Variants in MAD1L1 observed in about 807,000 individuals in gnomAD.
MAD1L1 encodes the protein mitotic arrest deficient 1 like 1, also known as mitotic spindle assembly checkpoint protein MAD1.
Under a neutral mutation model 96.9 loss-of-function variants are expected in MAD1L1, and 95 were observed. That is an observed-to-expected ratio of 0.98 (90% CI 0.83 to 1.16). The LOEUF (loss-of-function observed/expected upper bound fraction) is 1.16. Ranked by LOEUF, MAD1L1 falls within the 50% of genes most tolerant of loss-of-function variation. The pLI is 0.00. For missense variants in MAD1L1, 1,007 were observed against 954.4 expected, an observed-to-expected ratio of 1.06 and a Z score of -0.73; for synonymous variants, 473 against 396.6, an observed-to-expected ratio of 1.19 and a Z score of -2.29.
intron 16 of MAD1L1, among the ~76,000 whole-genome samples, chr7:1,945,450 A>G (rs1056971957): frequency 1.3e-5 from 2 of 152,216 alleles, no homozygotes; most frequent in African/African-American, 4.8e-5. Context: ...AAGTAAGAGC[A>G]AGTAGGTCCC....
At chr7:1,913,304 G>A (rs1788137769) in intron 17 of MAD1L1, among the ~76,000 whole-genome samples, 1 of 151,582 alleles carries the variant, frequency 6.6e-6, no homozygotes, top group South Asian at 2.1e-4. Context: ...TGGGCGGGGT[G>A]GGTGCAGGGA....
intron 17 of MAD1L1, among the ~76,000 whole-genome samples, chr7:1,933,285 T>C (rs1172842826): frequency 2.6e-5 from 4 of 152,136 alleles, no homozygotes; most frequent in African/African-American, 7.2e-5. Flanking sequence ...CAGGGAGCGA[T>C]CCATGGGAGC....
rs1208336715 is a variant in MAD1L1 at position 1,870,270 on chromosome 7, T to C, written c.1998+27930A>G. Among the ~76,000 whole-genome samples, 289 of 108,730 alleles carry C rather than the reference T, an allele frequency of 2.7e-3. 1 individual carries two copies. Among genetic ancestry groups the C allele is most frequent in the Middle Eastern group, 7.4e-3 (1 of 136 alleles). The allele number at this position is 108,730 out of a possible 152,430, so 71.3% of individuals were successfully genotyped here. A position where few individuals can be genotyped will look rare whatever the true frequency, so the allele number is the denominator to read the frequency against. ...CACCTGCCACGCTGAACCCAACATATGCCTGCCACGCTGAACCGACCGTAA... is the reference window on the plus strand; with the variant it reads ...CACCTGCCACGCTGAACCCAACATACGCCTGCCACGCTGAACCGACCGTAA... On this transcript the variant is annotated intron_variant, in intron 18 of 18. Transcript: ENST00000265854.
At chr7:1,975,480 G>A (rs936507123) in intron 15 of MAD1L1, among the ~76,000 whole-genome samples, 2 of 152,234 alleles carry the variant, frequency 1.3e-5, no homozygotes, top group Non-Finnish European at 2.9e-5. Flanking sequence ...TGGCGGCCTG[G>A]GCTGGGCACG....
At chr7:1,876,552 T>A (rs1370523895) in intron 18 of MAD1L1, among the ~76,000 whole-genome samples, 5 of 152,086 alleles carry the variant, frequency 3.3e-5, no homozygotes, top group Admixed American at 6.6e-5. Context: ...TGCTTCAGAA[T>A]AATCCAGGAA....
At chr7:1,976,324 T>TA (rs1758613118) in intron 15 of MAD1L1, among the ~76,000 whole-genome samples, 2 of 152,230 alleles carry the variant, frequency 1.3e-5, no homozygotes, top group African/African-American at 4.8e-5. Context: ...CTTCCGATGT[T>TA]CGGACATGTT....
Position 2,216,002 on chromosome 7 carries a change from G to A in MAD1L1, c.810-3C>T. Reference sequence around the variant, plus strand: ...GCCCGTTGGTCTCTCTCATCTCCCTGGCAGTGCCACAAAGAGTCGCTCAAA... The same window carrying A: ...GCCCGTTGGTCTCTCTCATCTCCCTAGCAGTGCCACAAAGAGTCGCTCAAA... On this transcript the variant is annotated splice_region_variant and splice_polypyrimidine_tract_variant and intron_variant, in intron 8 of 18. Coordinates refer to ENST00000265854, the MANE Select transcript of MAD1L1 (RefSeq NM_001013836.2). 3.7e-6 allele frequency: 6 copies of A among 1,613,816 alleles called. No homozygotes were observed. Among genetic ancestry groups the A allele is most frequent in the Non-Finnish European group, 4.2e-6 (5 of 1,179,840 alleles).
chr7:2,105,570 G>C (rs561436846), intron 11 of MAD1L1, among the ~76,000 whole-genome samples: 22 of 152,262 alleles, frequency 1.4e-4, no homozygotes, highest in African/African-American at 5.3e-4. Flanking sequence ...AAGCCAGGAA[G>C]TAACGAGGCC....
At position 1,968,616 on chromosome 7, in the gene MAD1L1, C is replaced by A. The variant is rs1780276793; in HGVS notation, c.1506-10897G>T. ...TCAGTCCGGCAGTCAGGTCCGCTGT[C>A]AACGCCTCAGTCCAGCGGTCAGGTC... On this transcript the variant is annotated intron_variant, in intron 15 of 18. Transcript: ENST00000265854. This position sits in a 1 kb window ranked among gnomAD's most constrained non-coding sequence, Gnocchi z 5.6. Among the ~76,000 whole-genome samples, 1 of 152,214 alleles carries A rather than the reference C, an allele frequency of 6.6e-6. No homozygotes were observed. Among genetic ancestry groups the A allele is most frequent in the African/African-American group, 2.4e-5 (1 of 41,458 alleles).
chr7:2,143,639 C>T (rs1789152451), intron 11 of MAD1L1, among the ~76,000 whole-genome samples: 1 of 151,966 alleles, frequency 6.6e-6, no homozygotes, highest in South Asian at 2.1e-4. Context: ...CCCCTGATGG[C>T]AGCAGTAGAT....
At chr7:1,914,534 A>ACGAACCGGCCCTGATGACCCCTGGCAC (rs1324643560) in intron 17 of MAD1L1, among the ~76,000 whole-genome samples, 1 of 152,180 alleles carries the variant, frequency 6.6e-6, no homozygotes, top group East Asian at 1.9e-4. Context: ...AGCCTCTGAA[A>ACGAACCGGCCCTGATGACCCCTGGCAC]CGAACCGGCC....
intron 11 of MAD1L1, among the ~76,000 whole-genome samples, chr7:2,072,132 CA>C (rs1186025151): frequency 6.6e-6 from 1 of 152,066 alleles, no homozygotes; most frequent in Non-Finnish European, 1.5e-5. Flanking sequence ...TCGCGACCAG[CA>C]CCAGAAGGTG....
chr7:2,225,227 CCG>C, intron 4 of MAD1L1, among the ~76,000 whole-genome samples, 181 bp downstream of exon 4: 1 of 108,020 alleles, frequency 9.3e-6, no homozygotes, highest in Non-Finnish European at 2.4e-5. Context: ...CTGGCAGGTA[CCG>C]TGCACAGCCC....
intron 10 of MAD1L1, among the ~76,000 whole-genome samples, chr7:2,196,339 A>T (rs1053190342): frequency 8.5e-5 from 13 of 152,066 alleles, no homozygotes; most frequent in African/African-American, 3.1e-4. Flanking sequence ...AACTCTAGAA[A>T]CTCTTGTAAG....
intron 11 of MAD1L1, among the ~76,000 whole-genome samples, chr7:2,099,543 T>A (rs982284429): frequency 6.6e-6 from 1 of 152,204 alleles, no homozygotes; most frequent in East Asian, 1.9e-4. Context: ...CAGCTAGCAA[T>A]CTTTACTGTA....
At chr7:1,854,092 C>T (rs1437943800) in intron 18 of MAD1L1, among the ~76,000 whole-genome samples, 1 of 152,198 alleles carries the variant, frequency 6.6e-6, no homozygotes, top group Non-Finnish European at 1.5e-5. Flanking sequence ...TTTATCCACC[C>T]CATCCAGGCG....
chr7:1,976,846 G>T (rs1207854096), intron 15 of MAD1L1, among the ~76,000 whole-genome samples: 1 of 151,710 alleles, frequency 6.6e-6, no homozygotes. Flanking sequence ...CTAGACACAG[G>T]GTGCTGATTG....
At chr7:1,932,038 C>T (rs578241689) in intron 17 of MAD1L1, among the ~76,000 whole-genome samples, 15 of 152,362 alleles carry the variant, frequency 9.8e-5, no homozygotes, top group African/African-American at 2.4e-4. Flanking sequence ...TGGCAGCCCA[C>T]GCCTGGCACA....
At chr7:1,981,519 G>A (rs1780906396) in intron 14 of MAD1L1, among the ~76,000 whole-genome samples, 3 of 152,122 alleles carry the variant, frequency 2.0e-5, no homozygotes, top group Non-Finnish European at 2.9e-5. Context: ...GACAGGATCC[G>A]ATGGGTTTAG....
Sources: allele counts gnomAD v4.1 joint callset (sites outside exome capture counted in the v4.1 genomes callset), GRCh38; gene constraint gnomAD v4.1.1; non-coding constraint Gnocchi (gnomAD v3.1); transcripts MANE v1.5; gene names NCBI Gene and HGNC (gene_info 2026-07-23, HGNC 2026-07-21).